Variants in TCF7 observed in about 807,000 individuals in gnomAD.
TCF7 encodes transcription factor 7, also known as T-cell-factor-7.
A neutral mutation model predicts 46.8 loss-of-function variants in TCF7; 19 were observed. That is an observed-to-expected ratio of 0.41 (90% CI 0.28 to 0.60). TCF7 has a LOEUF of 0.60. TCF7 is among the 20% of genes least tolerant of loss of function. The probability of loss-of-function intolerance (pLI) is 0.35; values close to 1 mark genes in which losing one functional copy is unlikely to be tolerated. For synonymous variants in TCF7, 245 were observed against 213.4 expected, an observed-to-expected ratio of 1.15 and a Z score of -1.29; for missense variants, 547 against 504.6, an observed-to-expected ratio of 1.08 and a Z score of -0.81.
At position 134,146,471 on chromosome 5, in the gene TCF7, C is replaced by G. The variant is rs1424397500; in HGVS notation, c.*168C>G. 1.3e-6 allele frequency: 1 copy of G among 786,640 alleles called. No homozygotes were observed. The highest frequency in any genetic ancestry group is 1.7e-5 in the African/African-American group (1 of 58,516). 48.7% of individuals were successfully genotyped at this position (786,640 alleles called of 1,614,324 possible). ...GCCCCCACAGGCCCCCCGCAGCACC[C>G]TGCAGAGCACACAGGTACAGCAACA... On this transcript the variant is annotated 3_prime_UTR_variant, in exon 10 of 10. Transcript: ENST00000342854.
chr5:134,121,311 C>T (rs1485670017), intron 3 of TCF7, among the ~76,000 whole-genome samples: 3 of 151,560 alleles, frequency 2.0e-5, no homozygotes, highest in South Asian at 2.1e-4. Context: ...TGGCTGGGTG[C>T]GGTGGCTCAT....
chr5:134,141,241 T>G (rs1759712897), intron 5 of TCF7: 1 of 157,780 alleles, frequency 6.3e-6, no homozygotes, highest in African/African-American at 2.4e-5. Flanking sequence ...AGACAGCACC[T>G]TTTACCTAAG....
chr5:134,134,478 G>C (rs867140777), intron 3 of TCF7, among the ~76,000 whole-genome samples: 1 of 152,206 alleles, frequency 6.6e-6, no homozygotes. Flanking sequence ...CTCAGTCTCC[G>C]TGCCCTCAGC....
intron 3 of TCF7, among the ~76,000 whole-genome samples, chr5:134,133,089 C>T (rs1396467752): frequency 6.6e-6 from 1 of 152,124 alleles, no homozygotes; most frequent in African/African-American, 2.4e-5. Context: ...GAAGGCTGGA[C>T]AGGCACTGGT....
rs563891491 is a variant in TCF7, at chr5:134,140,198, G to A, written c.635+1160G>A. On this transcript the variant is annotated intron_variant, in intron 5 of 9. Transcript: ENST00000342854. ...TCTCCACTGAGCCCTATTGTGTGCCGGGCAGGGTTCTGGGCACCAGGGAAG... is the reference window on the plus strand; with the variant it reads ...TCTCCACTGAGCCCTATTGTGTGCCAGGCAGGGTTCTGGGCACCAGGGAAG... 2.0e-4 allele frequency among the ~76,000 whole-genome samples: 31 copies of A among 152,294 alleles called. No individual in the cohort carries two copies. In the South Asian group the frequency reaches 6.0e-3, roughly 30 times the overall value.
chr5:134,115,507 A>G (rs1755677283), intron 2 of TCF7, 120 bp downstream of exon 2: 2 of 1,482,920 alleles, frequency 1.3e-6, no homozygotes, highest in Non-Finnish European at 1.8e-6. Flanking sequence ...AGGAGGCGGC[A>G]GAACCCAGGG....
rs746758091 is a variant in TCF7 at position 134,146,199 on chromosome 5, A to C, written c.1076-25A>C. ...GACTATGAATTCACCCTCTGTTTAC[A>C]GATAACTCTCTTCACTATTCCTAGG... On this transcript the variant is annotated intron_variant, in intron 9 of 9. Transcript: ENST00000342854. The C allele has an allele frequency of 1.2e-5, 19 of 1,614,190 alleles. No homozygotes were observed. The South Asian group carries it at 2.0e-4, about 17-fold the overall frequency.
At chr5:134,129,379 C>T (rs188371023) in intron 3 of TCF7, among the ~76,000 whole-genome samples, 4 of 152,314 alleles carry the variant, frequency 2.6e-5, no homozygotes, top group Admixed American at 6.5e-5. Context: ...TTCCCTACTG[C>T]CAAAGACAGC....
chr5:134,145,625 C>A, intron 9 of TCF7: 1 of 1,072,510 alleles, frequency 9.3e-7, no homozygotes, highest in Non-Finnish European at 1.4e-6. Context: ...GTACCCACCA[C>A]ACTCCCTGTC....
At chr5:134,122,470 CAAGT>C (rs1047741221) in intron 3 of TCF7, among the ~76,000 whole-genome samples, 5 of 152,194 alleles carry the variant, frequency 3.3e-5, no homozygotes, top group Non-Finnish European at 2.9e-5. Flanking sequence ...CTCTGAGACT[CAAGT>C]GAGTGGGGCT....
At chr5:134,144,972 C>A in intron 9 of TCF7, 1 of 991,920 alleles carries the variant, frequency 1.0e-6, no homozygotes. Context: ...CCCCTCAGCC[C>A]ACTAGCATAC....
upstream of TCF7, among the ~76,000 whole-genome samples, chr5:134,113,063 T>C (rs550043134): frequency 6.6e-6 from 1 of 152,152 alleles, no homozygotes; most frequent in African/African-American, 2.4e-5. Context: ...GGAGTTGAGG[T>C]GGCGGAGGCT....
At chr5:134,142,365 C>G in intron 6 of TCF7, 61 bp downstream of exon 6, 2 of 1,512,046 alleles carry the variant, frequency 1.3e-6, no homozygotes, top group South Asian at 2.6e-5. Flanking sequence ...GCCTCCCCAC[C>G]AGGCCTGAGG....
Position 134,142,856 on chromosome 5 carries a change from T to G in TCF7, c.891T>G (p.Ala297=), listed in dbSNP as rs1413237625. The part of the protein sequence containing the change: ...VIAECTLKES[A]AINQILGRRW... ...CAGAGTGCACACTTAAGGAGAGCGCTGCCATCAACCAGATCCTGGGCCGCA... is the reference window on the plus strand; with the variant it reads ...CAGAGTGCACACTTAAGGAGAGCGCGGCCATCAACCAGATCCTGGGCCGCA... The change falls in exon 7 of 10, where the codon GCT becomes GCG. Residue 297 remains alanine, a synonymous_variant. Transcript: ENST00000342854. The G allele has an allele frequency of 6.2e-7, 1 of 1,614,078 alleles. No homozygotes were observed. The highest frequency in any genetic ancestry group is 8.5e-7 in the Non-Finnish European group (1 of 1,179,944).
intron 3 of TCF7, among the ~76,000 whole-genome samples, chr5:134,122,967 C>A (rs1481498470): frequency 6.6e-6 from 1 of 152,208 alleles, no homozygotes; most frequent in Non-Finnish European, 1.5e-5. Context: ...ACTGTATCTG[C>A]CATTCTTTGG....
chr5:134,145,221 G>C (rs912463508), intron 9 of TCF7: 3 of 568,236 alleles, frequency 5.3e-6, no homozygotes, highest in Non-Finnish European at 1.0e-5. Context: ...AGGCCTCAAA[G>C]TCATTATGGC....
rs1760818715 is a variant in TCF7, at chr5:134,147,266, G to A, written c.*963G>A. ...TTCCCTGAGAAACCCACCAGCCTAAGAAGCTCTGGCCCCAGGCTTGTCACT... is the reference window on the plus strand; with the variant it reads ...TTCCCTGAGAAACCCACCAGCCTAAAAAGCTCTGGCCCCAGGCTTGTCACT... On this transcript the variant is annotated 3_prime_UTR_variant, in exon 10 of 10. Transcript: ENST00000342854. 1 of 152,208 alleles carries A rather than the reference G, an allele frequency of 6.6e-6. No homozygotes were observed. Among genetic ancestry groups the A allele is most frequent in the South Asian group, 2.1e-4 (1 of 4,830 alleles). The allele number at this position is 152,208 out of a possible 1,614,324, so 9.4% of individuals were successfully genotyped here.
At chr5:134,141,125 G>C (rs10061345) in intron 5 of TCF7, 1 of 228,394 alleles carries the variant, frequency 4.4e-6, no homozygotes, top group Admixed American at 5.6e-5. Context: ...GGACAGTACA[G>C]GCATATGTGG....
Position 134,138,137 on chromosome 5 carries a change from G to C in TCF7, c.520G>C (p.Ala174Pro). 1 of 1,613,182 alleles carries C rather than the reference G, an allele frequency of 6.2e-7. No homozygotes were observed. The highest frequency in any genetic ancestry group is 1.3e-5 in the African/African-American group (1 of 74,854). Residue 174 changes from alanine to proline, a missense_variant, in exon 4 of 10, where the codon GCA (alanine) becomes CCA (proline). By Grantham distance (27) the Ala-to-Pro change is conservative. This residue lies in a region of TCF7 where 425 missense variants were observed against 349.9 expected (regional missense o/e 1.21). Coordinates refer to ENST00000342854, the MANE Select transcript of TCF7 (RefSeq NM_003202.5). ...TTTCAACAGCCCACATCCCACCCCT[G>C]CACCTGCGGACATCAGCCAGAAGCA... The part of the protein sequence containing the change: ...EHFNSPHPTP[A>P]PADISQKQVH...
Sources: allele counts gnomAD v4.1 joint callset (sites outside exome capture counted in the v4.1 genomes callset), GRCh38; gene constraint gnomAD v4.1.1; regional missense constraint gnomAD v4.1.1; transcripts MANE v1.5; gene names NCBI Gene and HGNC (gene_info 2026-07-23, HGNC 2026-07-21).